KIAA0825: variants seen among roughly 807,000 people sequenced by gnomAD.
KIAA0825 encodes KIAA0825.
In KIAA0825, 119 loss-of-function variants were observed where a neutral mutation model predicts 147.6. The observed-to-expected ratio is 0.81, with a 90% CI of 0.69 to 0.94. The LOEUF (loss-of-function observed/expected upper bound fraction) is 0.94, where lower values mean the gene tolerates loss of function less well. Among genes scored for constraint, KIAA0825 ranks in the 40% least tolerant of loss-of-function variants. The pLI is 0.00. For missense variants in KIAA0825, 1,381 were observed against 1,472.7 expected (o/e 0.94, Z 1.02); for synonymous variants, 470 against 518.1 (o/e 0.91, Z 1.26).
chr5:94,238,152 CA>C, intron 20 of KIAA0825, among the ~76,000 whole-genome samples: 2 of 152,022 alleles, frequency 1.3e-5, no homozygotes. Context: ...TGAAATGCAT[CA>C]AAAAATTATA....
Position 94,478,016 on chromosome 5 carries a change from G to A in KIAA0825, c.1133-811C>T, listed in dbSNP as rs143877292. Among the ~76,000 whole-genome samples, 935 of 152,168 alleles carry A rather than the reference G, an allele frequency of 6.1e-3. 15 individuals are homozygous for A. The highest frequency in any genetic ancestry group is 0.022 in the African/African-American group (894 of 41,522). ...GATCTAACTTTTCTTTTTTCCCCAT[G>A]ATTTACCAAGAATCAATTTCTTTAT... On this transcript the variant is annotated intron_variant, in intron 6 of 20. Transcript: ENST00000682413.
intron 3 of KIAA0825, among the ~76,000 whole-genome samples, chr5:94,526,567 G>A (rs142734607): frequency 6.6e-6 from 1 of 151,902 alleles, no homozygotes; most frequent in Non-Finnish European, 1.5e-5. Flanking sequence ...GCATTACTGA[G>A]AGGCTGTGTA....
chr5:94,524,090 T>A lies in KIAA0825; in HGVS notation c.140A>T (p.His47Leu). 1.3e-6 allele frequency: 2 copies of A among 1,597,142 alleles called. No individual in the cohort carries two copies. The highest frequency in any genetic ancestry group is 1.7e-6 in the Non-Finnish European group (2 of 1,172,178). The change falls in exon 4 of 21, where the codon CAT becomes CTT. Residue 47 changes from histidine to leucine, a missense_variant. His to Leu is a moderately conservative substitution (Grantham distance 99). Coordinates refer to ENST00000682413, the MANE Select transcript of KIAA0825 (RefSeq NM_001145678.3). Reference protein sequence around the residue: ...KIEQNAASIKHCIKEIQSEIN... With the variant: ...KIEQNAASIKLCIKEIQSEIN... Reference sequence around the variant, plus strand: ...TTCGGACTGTATCTCTTTAATGCAATGTTTTATGCTATAAAAAACAGAAGA... The same window carrying A: ...TTCGGACTGTATCTCTTTAATGCAAAGTTTTATGCTATAAAAAACAGAAGA...
chr5:94,268,926 G>T (rs768025032), intron 20 of KIAA0825, among the ~76,000 whole-genome samples: 1 of 152,130 alleles, frequency 6.6e-6, no homozygotes, highest in Non-Finnish European at 1.5e-5. Flanking sequence ...CCACAGCACA[G>T]TGTCATGTGC....
chr5:94,356,878 C>G (rs1414156325), intron 20 of KIAA0825, among the ~76,000 whole-genome samples: 1 of 151,656 alleles, frequency 6.6e-6, no homozygotes, highest in African/African-American at 2.4e-5. Flanking sequence ...GTGCGCACCA[C>G]CACACCCAGC....
At chr5:94,204,477 C>A (rs1257182899) in intron 20 of KIAA0825, among the ~76,000 whole-genome samples, 3 of 152,104 alleles carry the variant, frequency 2.0e-5, no homozygotes, top group Non-Finnish European at 2.9e-5. Context: ...TTCTGTTATA[C>A]TAAGTTAGCA....
chr5:94,553,196 T>C (rs1398041691), intron 2 of KIAA0825, among the ~76,000 whole-genome samples: 1 of 152,230 alleles, frequency 6.6e-6, no homozygotes, highest in South Asian at 2.1e-4. Flanking sequence ...CCCAGTACTT[T>C]GGGAGGCGGA....
rs147530392 is a variant in KIAA0825, at chr5:94,357,328, G to T, written c.3710+27040C>A. On this transcript the variant is annotated intron_variant, in intron 20 of 20. Transcript: ENST00000682413. ...GCCTTTCATGTAGTGCAGGAGAAAA[G>T]GTTTTTAGAATAAAGGAGAGTAAAT... 1.9e-3 allele frequency among the ~76,000 whole-genome samples: 285 copies of T among 152,010 alleles called. 1 individual carries two copies. Among genetic ancestry groups the T allele is most frequent in the African/African-American group, 6.8e-3 (280 of 41,454 alleles).
At chr5:94,453,168 T>G (rs1032882896) in intron 12 of KIAA0825, 99 bp from the exon 13 acceptor site, 22 of 690,616 alleles carry the variant, frequency 3.2e-5, no homozygotes, top group Non-Finnish European at 4.1e-5. Flanking sequence ...GTTAATGATT[T>G]TTTTTGTTTG....
chr5:94,485,928 A>G (rs1169386230), intron 5 of KIAA0825, among the ~76,000 whole-genome samples: 1 of 151,840 alleles, frequency 6.6e-6, no homozygotes, highest in Admixed American at 6.6e-5. Flanking sequence ...GCGTAAGAAC[A>G]ATACAACTTA....
chr5:94,481,708 G>A (rs1016132543), intron 6 of KIAA0825, among the ~76,000 whole-genome samples: 1 of 151,900 alleles, frequency 6.6e-6, no homozygotes, highest in African/African-American at 2.4e-5. Flanking sequence ...TAACCATCTA[G>A]CTAAGGAACT....
intron 6 of KIAA0825, among the ~76,000 whole-genome samples, chr5:94,481,832 A>G (rs1584633189): frequency 6.6e-6 from 1 of 152,062 alleles, no homozygotes. Context: ...CTTACATCCA[A>G]TTGAAGCAGC....
intron 2 of KIAA0825, among the ~76,000 whole-genome samples, chr5:94,562,000 T>C (rs1193917590): frequency 2.6e-5 from 4 of 152,176 alleles, no homozygotes; most frequent in African/African-American, 9.6e-5. Flanking sequence ...TTTTAAACTA[T>C]GTAAGCCATT....
Position 94,364,388 on chromosome 5 carries a change from TC to T in KIAA0825, c.3710+19979del, listed in dbSNP as rs199790700. Among the ~76,000 whole-genome samples, 873 of 151,628 alleles carry T rather than the reference TC, an allele frequency of 5.8e-3. 8 individuals carry two copies. Among genetic ancestry groups the T allele is most frequent in the Middle Eastern group, 0.017 (5 of 290 alleles). On this transcript the variant is annotated intron_variant, in intron 20 of 20. Coordinates refer to ENST00000682413, the MANE Select transcript of KIAA0825 (RefSeq NM_001145678.3). ...ATATCAGGAAATGCTTCATTTCTTTTCTTTTTTTTTTGAGATGGAGTCTTGC... is the reference window on the plus strand; with the variant it reads ...ATATCAGGAAATGCTTCATTTCTTTTTTTTTTTTTTGAGATGGAGTCTTGC...
chr5:94,609,335 T>C (rs569017996), intron 1 of KIAA0825, among the ~76,000 whole-genome samples: 3 of 152,190 alleles, frequency 2.0e-5, no homozygotes, highest in South Asian at 2.1e-4. Flanking sequence ...ACTCTTCCAC[T>C]AAAATTTTTG....
chr5:94,402,201 T>G (rs556963866), intron 16 of KIAA0825, among the ~76,000 whole-genome samples: 21 of 152,272 alleles, frequency 1.4e-4, no homozygotes, highest in Non-Finnish European at 2.6e-4. Flanking sequence ...AAGTAAGCAT[T>G]TTTTGAAATA....
chr5:94,317,247 C>G (rs561493681), intron 20 of KIAA0825, among the ~76,000 whole-genome samples: 2 of 151,950 alleles, frequency 1.3e-5, no homozygotes, highest in Admixed American at 1.3e-4. Context: ...ATGGAAATAA[C>G]TATCCATAAG....
Position 94,594,571 on chromosome 5 carries a change from G to A in KIAA0825, c.-152-11988C>T, listed in dbSNP as rs972676238. 11 of 724,110 alleles carry A rather than the reference G, an allele frequency of 1.5e-5. No homozygotes were observed. In the Admixed American group the frequency reaches 1.9e-4, roughly 13 times the overall value. 44.9% of individuals were successfully genotyped at this position (724,110 alleles called of 1,614,324 possible). On this transcript the variant is annotated intron_variant, in intron 1 of 20. Transcript: ENST00000682413. ...ATAGTTGGATCAAGGCTGCCACCAGGAGCTGAAAGGATTGCTTTGGAATTT... is the reference window on the plus strand; with the variant it reads ...ATAGTTGGATCAAGGCTGCCACCAGAAGCTGAAAGGATTGCTTTGGAATTT...
At chr5:94,434,581 A>G (rs1756100838) in intron 14 of KIAA0825, among the ~76,000 whole-genome samples, 1 of 152,218 alleles carries the variant, frequency 6.6e-6, no homozygotes. Flanking sequence ...TTCTGCTGCT[A>G]TAACACAATA....
Sources: gnomAD v4.1 joint callset for allele counts (sites outside exome capture counted in the v4.1 genomes callset) on GRCh38, gnomAD v4.1.1 for gene constraint, MANE v1.5 for transcripts, NCBI Gene and HGNC (gene_info 2026-07-23, HGNC 2026-07-21) for gene names.